Variants in EEIG2 observed in about 807,000 individuals in gnomAD.
EEIG2 encodes family with sequence similarity 102 member B.
the EEIG2 span, among the ~76,000 whole-genome samples, chr1:108,611,748 T>C: frequency 6.6e-6 from 1 of 152,168 alleles, no homozygotes; most frequent in Non-Finnish European, 1.5e-5. Flanking sequence ...GGACCCAGAA[T>C]AGGGAGAGAA....
the EEIG2 span, chr1:108,600,533 T>G: frequency 6.2e-7 from 1 of 1,607,138 alleles, no homozygotes; most frequent in Middle Eastern, 1.7e-4. Context: ...TCAATAATAG[T>G]TAATTAATTG....
chr1:108,569,960 CTT>C, the EEIG2 span, among the ~76,000 whole-genome samples: 1 of 152,168 alleles, frequency 6.6e-6, no homozygotes. Context: ...TGAATGAAAA[CTT>C]TTCTCACCAT....
chr1:108,568,544 C>G, the EEIG2 span, among the ~76,000 whole-genome samples: 2 of 152,004 alleles, frequency 1.3e-5, no homozygotes, highest in African/African-American at 2.4e-5. Context: ...CTTACAAAAC[C>G]CCTTTAATAG....
At chr1:108,569,777 A>G in the EEIG2 span, among the ~76,000 whole-genome samples, 1 of 152,114 alleles carries the variant, frequency 6.6e-6, no homozygotes, top group Non-Finnish European at 1.5e-5. Flanking sequence ...TGTCTCTTTG[A>G]TATCCTCTCC....
the EEIG2 span, among the ~76,000 whole-genome samples, chr1:108,623,475 A>G: frequency 6.6e-6 from 1 of 152,146 alleles, no homozygotes; most frequent in Non-Finnish European, 1.5e-5. Context: ...AACCTGGGTG[A>G]CAAAGCGAGA....
the EEIG2 span, among the ~76,000 whole-genome samples, chr1:108,581,972 T>C: frequency 6.6e-6 from 1 of 152,122 alleles, no homozygotes; most frequent in Non-Finnish European, 1.5e-5. Context: ...CAAATTTCCT[T>C]CTTCTCTTAT....
the EEIG2 span, among the ~76,000 whole-genome samples, chr1:108,573,406 A>G: frequency 8.1e-4 from 124 of 152,352 alleles, no homozygotes; most frequent in Non-Finnish European, 1.5e-3. Flanking sequence ...GGTCCAAGCC[A>G]AGAACTGCTA....
chr1:108,572,571 T>A, the EEIG2 span, among the ~76,000 whole-genome samples: 2 of 152,222 alleles, frequency 1.3e-5, no homozygotes, highest in Non-Finnish European at 2.9e-5. Flanking sequence ...GTTCCACCTT[T>A]TCATTCGTCT....
At chr1:108,560,732 G>T in the EEIG2 span, among the ~76,000 whole-genome samples, 1 of 152,004 alleles carries the variant, frequency 6.6e-6, no homozygotes, top group Non-Finnish European at 1.5e-5. Flanking sequence ...TTCTCAGCTG[G>T]CCTTGGTTCC....
chr1:108,563,961 G>A, the EEIG2 span, among the ~76,000 whole-genome samples: 1,454 of 152,324 alleles, frequency 9.5e-3, 23 homozygotes, highest in African/African-American at 0.033. Flanking sequence ...GGGAGGATGA[G>A]TTTGCATTGA....
the EEIG2 span, chr1:108,560,270 G>A: frequency 6.8e-6 from 2 of 292,318 alleles, no homozygotes; most frequent in South Asian, 1.3e-4. Flanking sequence ...AGAGGCGGCG[G>A]CAGCGGCCCC....
chr1:108,591,096 T>C, the EEIG2 span, among the ~76,000 whole-genome samples: 2 of 152,218 alleles, frequency 1.3e-5, no homozygotes, highest in African/African-American at 4.8e-5. Flanking sequence ...TGGAAAGTGG[T>C]TAAGCAACTG....
At chr1:108,580,565 G>A in the EEIG2 span, among the ~76,000 whole-genome samples, 3 of 152,174 alleles carry the variant, frequency 2.0e-5, no homozygotes, top group African/African-American at 7.2e-5. Context: ...GAAATTAAAA[G>A]TGCTGCTCCA....
chr1:108,568,044 G>A, the EEIG2 span, among the ~76,000 whole-genome samples: 7 of 151,942 alleles, frequency 4.6e-5, no homozygotes, highest in Non-Finnish European at 7.4e-5. Flanking sequence ...TGGTACTCAT[G>A]CCACTTTTTT....
the EEIG2 span, chr1:108,612,221 G>T: frequency 6.2e-7 from 1 of 1,613,586 alleles, no homozygotes; most frequent in Non-Finnish European, 8.5e-7. Context: ...GCTGGATCAG[G>T]AAATACCACT....
chr1:108,600,668 C>T, the EEIG2 span: 1 of 1,610,110 alleles, frequency 6.2e-7, no homozygotes, highest in South Asian at 1.1e-5. Context: ...CTTGTATCTA[C>T]AGAGTATCCG....
At chr1:108,607,912 A>G in the EEIG2 span, among the ~76,000 whole-genome samples, 1 of 152,092 alleles carries the variant, frequency 6.6e-6, no homozygotes, top group Admixed American at 6.5e-5. Context: ...CATCCTCCAT[A>G]TTATTGCCAA....
chr1:108,577,873 A>ATCT, the EEIG2 span, among the ~76,000 whole-genome samples: 1 of 150,630 alleles, frequency 6.6e-6, no homozygotes, highest in African/African-American at 2.4e-5. Context: ...GCATTGAATC[A>ATCT]GTAAATTACC....
At chr1:108,589,400 GTC>G in the EEIG2 span, among the ~76,000 whole-genome samples, 4 of 152,224 alleles carry the variant, frequency 2.6e-5, no homozygotes, top group African/African-American at 7.2e-5. Flanking sequence ...TGTGTTCCCT[GTC>G]TCTGCTCCTC....
Sources: gnomAD v4.1 joint callset for allele counts (sites outside exome capture counted in the v4.1 genomes callset) on GRCh38, gnomAD v4.1.1 for gene constraint, MANE v1.5 for transcripts, NCBI Gene and HGNC (gene_info 2026-07-23, HGNC 2026-07-21) for gene names.